XIRP2: variants seen among roughly 807,000 people sequenced by gnomAD.
The protein encoded by XIRP2 is xin actin binding repeat containing 2.
Under a neutral mutation model 277.0 loss-of-function variants are expected in XIRP2, and 236 were observed. That is an observed-to-expected ratio of 0.85 (90% CI 0.77 to 0.95). XIRP2 has a LOEUF of 0.95. Ranked by LOEUF, XIRP2 falls within the 40% of genes least tolerant of loss-of-function variation. The pLI is 0.00. For missense variants in XIRP2, 4,640 were observed against 4,157.5 expected (o/e 1.12, Z -3.19); for synonymous variants, 1,490 against 1,416.5 (o/e 1.05, Z -1.17).
intron 1 of XIRP2, chr2:166,889,616 G>C (rs1318072940): frequency 6.5e-6 from 1 of 152,884 alleles, no homozygotes; most frequent in Admixed American, 6.5e-5. Context: ...ATGATCACCA[G>C]CCAGGCAAGG....
chr2:166,904,169 C>G (rs959097692), intron 2 of XIRP2, among the ~76,000 whole-genome samples: 1 of 152,116 alleles, frequency 6.6e-6, no homozygotes, highest in Non-Finnish European at 1.5e-5. Flanking sequence ...TCTACAACTA[C>G]GTTGTAAATT....
At chr2:167,086,399 G>T (rs1302003039) in intron 2 of XIRP2, among the ~76,000 whole-genome samples, 2 of 151,976 alleles carry the variant, frequency 1.3e-5, no homozygotes, top group South Asian at 2.1e-4. Flanking sequence ...TTCGACTTTG[G>T]TGAATCTGAC....
chr2:166,928,185 TA>T (rs1163574921), intron 2 of XIRP2, among the ~76,000 whole-genome samples: 3 of 152,024 alleles, frequency 2.0e-5, no homozygotes, highest in Non-Finnish European at 4.4e-5. Context: ...TAGTTAAAGA[TA>T]AGTTGGCTAT....
At position 167,218,375 on chromosome 2, in the gene XIRP2, C is replaced by T. The variant is rs150925352; in HGVS notation, c.858+75C>T. 1,106 of 1,288,938 alleles carry T rather than the reference C, an allele frequency of 8.6e-4. 6 individuals carry two copies. The African/African-American group carries it at 0.014, about 17-fold the overall frequency. 79.8% of individuals were successfully genotyped at this position (1,288,938 alleles called of 1,614,324 possible). A position where few individuals can be genotyped will look rare whatever the true frequency, so the allele number is the denominator to read the frequency against. On this transcript the variant is annotated intron_variant, in intron 5 of 10. Coordinates refer to ENST00000409195, the MANE Select transcript of XIRP2 (RefSeq NM_152381.6). Reference sequence around the variant, plus strand: ...CATTTTGGTGCCAATGTAGAAATCTCCTTTCTTTAGTGATACATTTATTTT... The same window carrying T: ...CATTTTGGTGCCAATGTAGAAATCTTCTTTCTTTAGTGATACATTTATTTT...
At position 167,070,206 on chromosome 2, in the gene XIRP2, A is replaced by G. The variant is rs191196113; in HGVS notation, c.409-65703A>G. ...ATGTGCTCCTTGAAGTTAGGGCCCA[A>G]GTCTTCCTTGTATTTGGATCCCTCC... On this transcript the variant is annotated intron_variant, in intron 2 of 10. Coordinates refer to ENST00000409195, the MANE Select transcript of XIRP2 (RefSeq NM_152381.6). 1.9e-3 allele frequency among the ~76,000 whole-genome samples: 286 copies of G among 152,108 alleles called. 1 individual carries two copies. The South Asian group carries it at 0.023, about 12-fold the overall frequency.
At chr2:167,028,025 A>G (rs1558953688) in intron 2 of XIRP2, among the ~76,000 whole-genome samples, 1 of 152,108 alleles carries the variant, frequency 6.6e-6, no homozygotes, top group African/African-American at 2.4e-5. Flanking sequence ...GCCATTTGAT[A>G]TTTGAAAAAT....
chr2:167,036,374 C>T (rs147301915), intron 2 of XIRP2, among the ~76,000 whole-genome samples: 32 of 152,312 alleles, frequency 2.1e-4, no homozygotes, highest in African/African-American at 7.7e-4. Flanking sequence ...TGGGAATCCA[C>T]CTCTTGCATC....
intron 2 of XIRP2, chr2:167,124,636 G>C (rs951505862): frequency 6.6e-6 from 1 of 152,234 alleles, no homozygotes; most frequent in Non-Finnish European, 1.5e-5. Context: ...TGTGTCAAAA[G>C]TGACTAGAGT....
chr2:167,149,267 C>T (rs1220944633), intron 3 of XIRP2, among the ~76,000 whole-genome samples: 1 of 152,056 alleles, frequency 6.6e-6, no homozygotes, highest in Admixed American at 6.6e-5. Flanking sequence ...ATGCAGATAG[C>T]GGAAGCAAAA....
intron 2 of XIRP2, among the ~76,000 whole-genome samples, chr2:167,010,177 T>G (rs111856981): frequency 0.014 from 2,119 of 152,312 alleles, 63 homozygotes; most frequent in African/African-American, 0.049. Context: ...AGCCTAGGTT[T>G]TCTTCTAGGG....
chr2:167,115,337 C>A (rs1322233775), intron 2 of XIRP2, among the ~76,000 whole-genome samples: 1 of 152,094 alleles, frequency 6.6e-6, no homozygotes, highest in African/African-American at 2.4e-5. Flanking sequence ...TATTCCTATC[C>A]ATATTCTGAA....
intron 2 of XIRP2, among the ~76,000 whole-genome samples, chr2:166,958,988 A>T (rs1177308278): frequency 6.6e-6 from 1 of 151,742 alleles, no homozygotes; most frequent in Non-Finnish European, 1.5e-5. Context: ...TTTTCCAGTG[A>T]CTACTCCACA....
chr2:166,940,853 C>A (rs949111434), intron 2 of XIRP2, among the ~76,000 whole-genome samples: 4 of 152,128 alleles, frequency 2.6e-5, no homozygotes, highest in Non-Finnish European at 5.9e-5. Context: ...TCAGTCTGCC[C>A]CTACTTGGGG....
intron 3 of XIRP2, among the ~76,000 whole-genome samples, chr2:167,148,868 C>T (rs1458690001): frequency 6.6e-6 from 1 of 151,624 alleles, no homozygotes; most frequent in Admixed American, 6.6e-5. Flanking sequence ...AGTGAAAGTA[C>T]AATTTTAGGG....
At chr2:167,241,936 C>G in intron 8 of XIRP2, 26 bp downstream of exon 8, 1 of 1,600,016 alleles carries the variant, frequency 6.2e-7, no homozygotes, top group South Asian at 1.1e-5. Context: ...TACACAGAAA[C>G]ATACTAAGTG....
At chr2:166,985,725 G>C (rs571071931) in intron 2 of XIRP2, among the ~76,000 whole-genome samples, 1 of 151,942 alleles carries the variant, frequency 6.6e-6, no homozygotes, top group East Asian at 1.9e-4. Flanking sequence ...CACCGCGCCC[G>C]GCCTAAAAAT....
rs1329963319 is a variant in XIRP2, at chr2:167,259,488, G to A, written c.*1671G>A. 17 of 924,164 alleles carry A rather than the reference G, an allele frequency of 1.8e-5. No homozygotes were observed. The highest frequency in any genetic ancestry group is 1.5e-4 in the South Asian group (7 of 47,780). The allele number at this position is 924,164 out of a possible 1,614,324, so 57.2% of individuals were successfully genotyped here. On this transcript the variant is annotated 3_prime_UTR_variant, in exon 11 of 11. Transcript: ENST00000409195. The stretch of plus-strand genomic sequence containing the variant: ...TGTAAACATGGTGTTCAGAAATCTC[G>A]TGTCTATCTCAATGGGATATTTCTT...
At chr2:166,979,626 C>T (rs910739471) in intron 2 of XIRP2, among the ~76,000 whole-genome samples, 1 of 151,712 alleles carries the variant, frequency 6.6e-6, no homozygotes, top group Non-Finnish European at 1.5e-5. Flanking sequence ...AAATGTTTTT[C>T]TGCATTCATT....
At chr2:167,208,106 C>T (rs980783133) in intron 3 of XIRP2, among the ~76,000 whole-genome samples, 3 of 152,108 alleles carry the variant, frequency 2.0e-5, no homozygotes, top group Non-Finnish European at 4.4e-5. Flanking sequence ...TTGGATTACT[C>T]GTCTGCACAA....
Sources: gnomAD v4.1 joint callset for allele counts (sites outside exome capture counted in the v4.1 genomes callset) on GRCh38, gnomAD v4.1.1 for gene constraint, MANE v1.5 for transcripts, NCBI Gene and HGNC (gene_info 2026-07-23, HGNC 2026-07-21) for gene names.